ERCC6L2: variants seen among roughly 807,000 people sequenced by gnomAD.
The protein encoded by ERCC6L2 is ERCC excision repair 6 like 2, also known as DNA excision repair protein ERCC-6-like 2.
In ERCC6L2, 77 loss-of-function variants were observed where a neutral mutation model predicts 132.0. That is an observed-to-expected ratio of 0.58 (90% confidence interval 0.49 to 0.71). The LOEUF (loss-of-function observed/expected upper bound fraction) is 0.71, where lower values mean the gene tolerates loss of function less well. ERCC6L2 is among the 30% of genes least tolerant of loss of function. The probability of loss-of-function intolerance (pLI) is 0.00; values close to 1 mark genes in which losing one functional copy is unlikely to be tolerated. For synonymous variants in ERCC6L2, 583 were observed against 632.4 expected, an observed-to-expected ratio of 0.92 and a Z score of 1.17; for missense variants, 1,542 against 1,837.6, an observed-to-expected ratio of 0.84 and a Z score of 2.94.
intron 1 of ERCC6L2, 80 bp downstream of exon 1, chr9:95,876,164 G>C (rs1827254675): frequency 7.1e-7 from 1 of 1,406,082 alleles, no homozygotes; most frequent in Non-Finnish European, 9.8e-7. Flanking sequence ...GTGCCCTTCG[G>C]GTTGGGGTTT....
chr9:96,038,339 T>G (rs1025928639), intron 19 of ERCC6L2, among the ~76,000 whole-genome samples: 62 of 152,272 alleles, frequency 4.1e-4, no homozygotes, highest in South Asian at 2.5e-3. Context: ...GAGAAGCCCC[T>G]CTTCCCCCGA....
chr9:95,928,914 AT>A, intron 11 of ERCC6L2, 50 bp downstream of exon 11: 1 of 1,323,908 alleles, frequency 7.6e-7, no homozygotes, highest in Non-Finnish European at 1.0e-6. Context: ...TGTTTTTGAG[AT>A]TTAGCATAAT....
chr9:95,915,282 T>TA (rs573989433), intron 4 of ERCC6L2, among the ~76,000 whole-genome samples: 119 of 152,212 alleles, frequency 7.8e-4, no homozygotes, highest in Non-Finnish European at 1.5e-3. Context: ...ATACAGCTTT[T>TA]AAAAATCATG....
chr9:95,922,111 ATGATTT>A (rs1829894092), intron 7 of ERCC6L2, among the ~76,000 whole-genome samples, 188 bp from the exon 8 acceptor site: 1 of 152,216 alleles, frequency 6.6e-6, no homozygotes, highest in African/African-American at 2.4e-5. Context: ...TAGTTGTATT[ATGATTT>A]ACCAAAAGTA....
At chr9:95,979,404 G>C (rs1832802813) in intron 17 of ERCC6L2, among the ~76,000 whole-genome samples, 1 of 152,126 alleles carries the variant, frequency 6.6e-6, no homozygotes, top group South Asian at 2.1e-4. Flanking sequence ...GCTGAGAAAG[G>C]CTGAGTGAAA....
chr9:96,040,158 C>G (rs686604), intron 20 of ERCC6L2, among the ~76,000 whole-genome samples: 103,635 of 151,286 alleles, frequency 0.69, 36,271 homozygotes, highest in East Asian at 0.86. Context: ...TCCTGCCCCC[C>G]CCCAAGCACC....
intron 12 of ERCC6L2, among the ~76,000 whole-genome samples, chr9:95,948,864 T>G (rs1831195187): frequency 6.8e-6 from 1 of 147,654 alleles, no homozygotes; most frequent in Admixed American, 6.7e-5. Flanking sequence ...AAAATAAATC[T>G]CTAGAAACTA....
intron 2 of ERCC6L2, among the ~76,000 whole-genome samples, chr9:95,892,171 G>T (rs1828206259): frequency 6.6e-6 from 1 of 151,760 alleles, no homozygotes; most frequent in African/African-American, 2.4e-5. Context: ...CTTAAACATA[G>T]GTCTTGGAGA....
chr9:96,019,980 T>G (rs12686457), downstream of ERCC6L2: 20,133 of 152,130 alleles, frequency 0.13, 1,399 homozygotes, highest in South Asian at 0.24. Flanking sequence ...GGTCAGGAGT[T>G]CCAGACCAGC....
intron 12 of ERCC6L2, among the ~76,000 whole-genome samples, chr9:95,941,858 A>G (rs1830819549): frequency 6.6e-6 from 1 of 152,186 alleles, no homozygotes; most frequent in Non-Finnish European, 1.5e-5. Flanking sequence ...CTCCTGGAAG[A>G]TAGAAAGCAA....
At chr9:95,905,951 C>A (rs1013961303) in intron 3 of ERCC6L2, among the ~76,000 whole-genome samples, 3 of 151,956 alleles carry the variant, frequency 2.0e-5, no homozygotes, top group Non-Finnish European at 2.9e-5. Context: ...TACTGGTAAC[C>A]CTATTAAACT....
intron 6 of ERCC6L2, among the ~76,000 whole-genome samples, chr9:95,916,639 A>T (rs1267830484): frequency 6.6e-6 from 1 of 151,846 alleles, no homozygotes; most frequent in Admixed American, 6.6e-5. Context: ...CTGTTAGCTA[A>T]CAGGTTTATT....
chr9:95,923,151 A>G, intron 8 of ERCC6L2, 109 bp from the exon 9 acceptor site: 1 of 1,326,724 alleles, frequency 7.5e-7, no homozygotes, highest in South Asian at 1.7e-5. Flanking sequence ...AAAAATCTTT[A>G]AAGTAATACA....
At chr9:95,936,378 T>C (rs1830553896) in intron 11 of ERCC6L2, among the ~76,000 whole-genome samples, 2 of 152,206 alleles carry the variant, frequency 1.3e-5, no homozygotes, top group Non-Finnish European at 2.9e-5. Flanking sequence ...AGAGAACATG[T>C]GGCATCCTGT....
chr9:95,980,689 TGGTGTGGCAGTG>T (rs1832854134), intron 17 of ERCC6L2, among the ~76,000 whole-genome samples: 1 of 152,140 alleles, frequency 6.6e-6, no homozygotes, highest in South Asian at 2.1e-4. Flanking sequence ...GTTTTGCAGC[TGGTGTGGCAGTG>T]GGTGGCAATA....
chr9:95,933,251 T>C (rs1400286390), intron 11 of ERCC6L2, among the ~76,000 whole-genome samples: 1 of 152,340 alleles, frequency 6.6e-6, no homozygotes, highest in Non-Finnish European at 1.5e-5. Context: ...TCTGCTTTTT[T>C]GCTGTCTAAA....
chr9:95,982,566 G>A (rs957088634), intron 17 of ERCC6L2, among the ~76,000 whole-genome samples: 3 of 151,978 alleles, frequency 2.0e-5, no homozygotes, highest in African/African-American at 7.2e-5. Context: ...AAGGTTTATG[G>A]TTTCAGCATG....
At position 96,016,146 on chromosome 9, in the gene ERCC6L2, C is replaced by T. The variant is rs1834181272; in HGVS notation, c.*2943C>T. Among the ~76,000 whole-genome samples the T allele has an allele frequency of 6.6e-6, 1 of 152,206 alleles. No individual in the cohort carries two copies. Among genetic ancestry groups the T allele is most frequent in the Non-Finnish European group, 1.5e-5 (1 of 68,040 alleles). On this transcript the variant is annotated 3_prime_UTR_variant, in exon 19 of 19. Coordinates refer to ENST00000653738, the MANE Select transcript of ERCC6L2 (RefSeq NM_020207.7). ...TAAATGGGTGGCCTCAAGCAAATCCCTTACCTCCTTTTAGCCTTAGTTTCC... is the reference window on the plus strand; with the variant it reads ...TAAATGGGTGGCCTCAAGCAAATCCTTTACCTCCTTTTAGCCTTAGTTTCC...
At chr9:95,938,452 C>CTA (rs1201511855) in intron 11 of ERCC6L2, among the ~76,000 whole-genome samples, 1 of 152,108 alleles carries the variant, frequency 6.6e-6, no homozygotes, top group Non-Finnish European at 1.5e-5. Context: ...AAATCCTCAA[C>CTA]TATAATTGTG....
Sources: gnomAD v4.1 joint callset for allele counts (sites outside exome capture counted in the v4.1 genomes callset) on GRCh38, gnomAD v4.1.1 for gene constraint, MANE v1.5 for transcripts, NCBI Gene and HGNC (gene_info 2026-07-23, HGNC 2026-07-21) for gene names.